Variants in ABHD17A observed in about 807,000 individuals in gnomAD.
The protein encoded by ABHD17A is alpha/beta hydrolase domain-containing protein 17A.
ABHD17A carries 10 observed loss-of-function variants against 26.8 expected under a neutral mutation model. The observed-to-expected ratio is 0.37, with a 90% CI of 0.23 to 0.63. The LOEUF is 0.63. ABHD17A is among the 30% of genes least tolerant of loss of function. The pLI, the probability that ABHD17A is intolerant of heterozygous loss-of-function variation, is 0.61. For missense variants in ABHD17A, 292 were observed against 457.3 expected (o/e 0.64, Z 3.30); for synonymous variants, 167 against 210.9 (o/e 0.79, Z 1.80).
intron 1 of ABHD17A, among the ~76,000 whole-genome samples, chr19:1,884,982 G>C (rs988065251): frequency 7.2e-5 from 11 of 152,332 alleles, no homozygotes; most frequent in African/African-American, 2.4e-4. Flanking sequence ...TGGGAAGCAG[G>C]GCTCGGGAGG....
chr19:1,884,891 C>A (rs1568746154), intron 1 of ABHD17A, among the ~76,000 whole-genome samples: 1 of 152,122 alleles, frequency 6.6e-6, no homozygotes, highest in Admixed American at 6.5e-5. Flanking sequence ...AGAACGGACG[C>A]GAGCGGAGGC....
chr19:1,881,090 G>A, intron 2 of ABHD17A, 145 bp downstream of exon 2: 1 of 1,579,220 alleles, frequency 6.3e-7, no homozygotes, highest in Non-Finnish European at 8.6e-7. Context: ...CGGCCTGACG[G>A]GGGATACCAC....
intron 1 of ABHD17A, 60 bp downstream of exon 1, chr19:1,885,292 C>T (rs1163036541): frequency 1.3e-5 from 2 of 151,536 alleles, no homozygotes; most frequent in African/African-American, 2.4e-5. Flanking sequence ...GTCAGGCCCT[C>T]GAGGCCCGGC....
In ABHD17A at chr19:1,876,955, T is replaced by C; in HGVS notation, c.*245A>G. ...GCGCTCGAGAGAGTGAGCAGAGCCA[T>C]GAAAGGAAGGAGAGCAGCCCTAAAA... is the stretch of plus-strand genomic sequence containing the variant. On this transcript the variant is annotated 3_prime_UTR_variant, in exon 5 of 5. Coordinates refer to ENST00000292577, the MANE Select transcript of ABHD17A (RefSeq NM_001130111.2). 1.9e-6 allele frequency: 1 copy of C among 524,520 alleles called. No homozygotes were observed. The highest frequency in any genetic ancestry group is 3.4e-6 in the Non-Finnish European group (1 of 291,660). 32.5% of individuals were successfully genotyped at this position (524,520 alleles called of 1,614,324 possible).
intron 1 of ABHD17A, 105 bp from the exon 2 acceptor site, chr19:1,881,909 C>T (rs1030032516): frequency 7.4e-6 from 2 of 270,786 alleles, no homozygotes; most frequent in South Asian, 1.2e-4. Context: ...GGCATGGGCC[C>T]GGGGCCTGTC....
At chr19:1,881,050 T>C in intron 2 of ABHD17A, 185 bp downstream of exon 2, 1 of 1,603,812 alleles carries the variant, frequency 6.2e-7, no homozygotes, top group Non-Finnish European at 8.5e-7. Context: ...TGTCCTTGTC[T>C]GCGAGAGAAA....
Position 1,880,901 on chromosome 19 carries a change from GAGA to G in ABHD17A, c.332+331_332+333del. The G allele has an allele frequency of 6.2e-7, 1 of 1,613,072 alleles. No homozygotes were observed. The highest frequency in any genetic ancestry group is 8.5e-7 in the Non-Finnish European group (1 of 1,179,906). On this transcript the variant is annotated intron_variant, in intron 2 of 4. Coordinates refer to ENST00000292577, the MANE Select transcript of ABHD17A (RefSeq NM_001130111.2). This position sits in a 1 kb window ranked among gnomAD's most constrained non-coding sequence, Gnocchi z 4.1. ...AGATCTGGTCAGAACCCCACCTGGC[GAGA>G]AGGTGGATGTACCCGCAGGCCAGGG...
rs1417516651 is a variant in ABHD17A, at chr19:1,879,862, C to T, written c.527+59G>A. Reference sequence around the variant, plus strand: ...TCCCAGGGAAGCCCGCCCCCCGGCCCCCCGCCTGGTCCCCTCTTGGGTGTG... The same window carrying T: ...TCCCAGGGAAGCCCGCCCCCCGGCCTCCCGCCTGGTCCCCTCTTGGGTGTG... On this transcript the variant is annotated intron_variant, in intron 3 of 4. Coordinates refer to ENST00000292577, the MANE Select transcript of ABHD17A (RefSeq NM_001130111.2). This position sits in a 1 kb window ranked among gnomAD's most constrained non-coding sequence, Gnocchi z 7.6. The T allele has an allele frequency of 2.0e-6, 3 of 1,513,140 alleles. No individual in the cohort carries two copies. Among genetic ancestry groups the T allele is most frequent in the East Asian group, 4.9e-5 (2 of 40,802 alleles). The allele number at this position is 1,513,140 out of a possible 1,614,324, so 93.7% of individuals were successfully genotyped here. A position where few individuals can be genotyped will look rare whatever the true frequency, so the allele number is the denominator to read the frequency against.
chr19:1,877,558 G>T lies in ABHD17A; in HGVS notation c.657C>A (p.Arg219=). 1.3e-6 allele frequency: 2 copies of T among 1,595,518 alleles called. No homozygotes were observed. Among genetic ancestry groups the T allele is most frequent in the Non-Finnish European group, 1.7e-6 (2 of 1,179,002 alleles). Residue 219 remains arginine, a synonymous_variant, in exon 4 of 5, where the codon CGC becomes CGA. Coordinates refer to ENST00000292577, the MANE Select transcript of ABHD17A (RefSeq NM_001130111.2). Reference sequence around the variant, plus strand: ...TCTTCTTGGTGTCGGGGAAGGCGACGCGCATGCCCGAGGTGAGCGGCGAGT... The same window carrying T: ...TCTTCTTGGTGTCGGGGAAGGCGACTCGCATGCCCGAGGTGAGCGGCGAGT... ...VLHSPLTSGM[R]VAFPDTKKTY... is the part of the protein sequence containing the mutation.
intron 1 of ABHD17A, among the ~76,000 whole-genome samples, chr19:1,884,060 T>A (rs2012610812): frequency 6.6e-6 from 1 of 152,068 alleles, no homozygotes; most frequent in South Asian, 2.1e-4. Context: ...CAACCACCCT[T>A]TGCACCTCAC....
intron 3 of ABHD17A, 72 bp from the exon 4 acceptor site, chr19:1,877,759 G>A (rs1244317219): frequency 2.8e-5 from 42 of 1,501,666 alleles, no homozygotes; most frequent in Middle Eastern, 2.4e-4. Flanking sequence ...GGGCGTCCCC[G>A]GGCCCAGCTC....
rs1252290968 is a variant in ABHD17A at position 1,880,347 on chromosome 19, GCAGCCTGGGCTGCAGAGGC to G, written c.333-251_333-233del. On this transcript the variant is annotated intron_variant, in intron 2 of 4. Coordinates refer to ENST00000292577, the MANE Select transcript of ABHD17A (RefSeq NM_001130111.2). The surrounding 1 kb of genome is among the most constrained non-coding windows in gnomAD (Gnocchi z 4.1). ...GACAGGACAGCTGGCAGGGGGACAG[GCAGCCTGGGCTGCAGAGGC>G]CAGCCAGGGAGCCTCAGGATTCCCA... is the stretch of plus-strand genomic sequence containing the variant. Among the ~76,000 whole-genome samples, 4 of 152,312 alleles carry G rather than the reference GCAGCCTGGGCTGCAGAGGC, an allele frequency of 2.6e-5. No individual in the cohort carries two copies. Among genetic ancestry groups the G allele is most frequent in the African/African-American group, 9.6e-5 (4 of 41,580 alleles).
At chr19:1,881,075 G>T (rs764136761) in intron 2 of ABHD17A, 160 bp downstream of exon 2, 4 of 1,590,784 alleles carry the variant, frequency 2.5e-6, no homozygotes, top group Admixed American at 1.7e-5. Flanking sequence ...CCAGAGGGAC[G>T]AGGCCGGCCT....
In ABHD17A at chr19:1,877,389, G is replaced by C; in HGVS notation, c.744C>G (p.Leu248=). The change falls in exon 5 of 5, where the codon CTC becomes CTG. Residue 248 remains leucine (L), a synonymous_variant. Coordinates refer to ENST00000292577, the MANE Select transcript of ABHD17A (RefSeq NM_001130111.2). ...EKVSKITSPV[L]IIHGTEDEVI... ...CCTCGTCCTCCGTGCCGTGGATGAT[G>C]AGCACGGGAGACGTGATCTTGGACA... 6.4e-7 allele frequency: 1 copy of C among 1,564,562 alleles called. No individual in the cohort carries two copies. The highest frequency in any genetic ancestry group is 8.6e-7 in the Non-Finnish European group (1 of 1,162,236).
chr19:1,881,375 C>T lies in ABHD17A; in HGVS notation c.192G>A (p.Gly64=), dbSNP rs779409920. The T allele has an allele frequency of 3.7e-6, 6 of 1,606,818 alleles. No individual in the cohort carries two copies. The South Asian group carries it at 5.5e-5, about 15-fold the overall frequency. Reference sequence around the variant, plus strand: ...GCTCCGTCAGGTGCAGCTTCCAGCGCCCGGGTGCGCCCGAGGAGGCTCTCA... The same window carrying T: ...GCTCCGTCAGGTGCAGCTTCCAGCGTCCGGGTGCGCCCGAGGAGGCTCTCA... ...GTLRASSGAP[G]RWKLHLTERA... Residue 64 remains glycine (G), a synonymous_variant, in exon 2 of 5, where the codon GGG becomes GGA. Coordinates refer to ENST00000292577, the MANE Select transcript of ABHD17A (RefSeq NM_001130111.2).
In ABHD17A at chr19:1,880,226, C is replaced by T; in HGVS notation, c.333-111G>A. 1 of 1,140,266 alleles carries T rather than the reference C, an allele frequency of 8.8e-7. No homozygotes were observed. Among genetic ancestry groups the T allele is most frequent in the Admixed American group, 2.2e-5 (1 of 46,100 alleles). The allele number at this position is 1,140,266 out of a possible 1,614,324, so 70.6% of individuals were successfully genotyped here. A position where few individuals can be genotyped will look rare whatever the true frequency, so the allele number is the denominator to read the frequency against. ...CGGTGGCCAGCCATGCCCAGTGCCT[C>T]ATTTACTCCCCTCCCAAGGGGGCCA... is the stretch of plus-strand genomic sequence containing the variant. On this transcript the variant is annotated intron_variant, in intron 2 of 4. Coordinates refer to ENST00000292577, the MANE Select transcript of ABHD17A (RefSeq NM_001130111.2). This position sits in a 1 kb window ranked among gnomAD's most constrained non-coding sequence, Gnocchi z 4.1.
rs1193065345 is a variant in ABHD17A, at chr19:1,877,492, C to T, written c.707+16G>A. ...CCGGGCCCCGCCCCGCCCCCGTCCC[C>T]GCCCGGGCCGCTCACTTAGGGAAGG... On this transcript the variant is annotated intron_variant, in intron 4 of 4. Coordinates refer to ENST00000292577, the MANE Select transcript of ABHD17A (RefSeq NM_001130111.2). The T allele has an allele frequency of 3.8e-6, 6 of 1,587,474 alleles. No homozygotes were observed. Among genetic ancestry groups the T allele is most frequent in the African/African-American group, 1.3e-5 (1 of 74,474 alleles).
chr19:1,884,704 G>C (rs926370100), intron 1 of ABHD17A, among the ~76,000 whole-genome samples: 2 of 152,286 alleles, frequency 1.3e-5, no homozygotes, highest in African/African-American at 4.8e-5. Context: ...GACAGAGCAG[G>C]CTCCTGGCTA....
Position 1,880,488 on chromosome 19 carries a change from C to T in ABHD17A, c.333-373G>A, listed in dbSNP as rs2012492447. Among the ~76,000 whole-genome samples, 1 of 152,198 alleles carries T rather than the reference C, an allele frequency of 6.6e-6. No homozygotes were observed. The highest frequency in any genetic ancestry group is 2.4e-5 in the African/African-American group (1 of 41,438). On this transcript the variant is annotated intron_variant, in intron 2 of 4. Transcript: ENST00000292577. The surrounding 1 kb of genome is among the most constrained non-coding windows in gnomAD (Gnocchi z 4.1). ...ACTGCAGGCTTCACTGCCCTTCCTC[C>T]TGGAAGAACCTGGACCCCCGGGGAT...
Sources: gnomAD v4.1 joint callset for allele counts (sites outside exome capture counted in the v4.1 genomes callset) on GRCh38, gnomAD v4.1.1 for gene constraint, Gnocchi (gnomAD v3.1) non-coding constraint, MANE v1.5 for transcripts, NCBI Gene and HGNC (gene_info 2026-07-23, HGNC 2026-07-21) for gene names.